MARCHF6: variants seen among roughly 807,000 people sequenced by gnomAD.
The protein encoded by MARCHF6 is E3 ubiquitin-protein ligase MARCHF6.
MARCHF6 carries 31 observed loss-of-function variants against 133.7 expected under a neutral mutation model. The ratio of observed to expected loss-of-function variants is 0.23; its 90% CI spans 0.17 to 0.31. The LOEUF (loss-of-function observed/expected upper bound fraction) is 0.31. Among genes scored for constraint, MARCHF6 ranks in the 10% least tolerant of loss-of-function variants. The probability of loss-of-function intolerance (pLI) is 1.00; values close to 1 mark genes in which losing one functional copy is unlikely to be tolerated. For synonymous variants in MARCHF6, 395 were observed against 402.5 expected (o/e 0.98, Z 0.22); for missense variants, 723 against 1,121.6 (o/e 0.64, Z 5.08).
chr5:10,415,246 A>C (rs779606642), intron 20 of MARCHF6, among the ~76,000 whole-genome samples: 2 of 152,222 alleles, frequency 1.3e-5, no homozygotes, highest in East Asian at 1.9e-4. Context: ...TGGCATGACA[A>C]ATCAGAGTGT....
chr5:10,410,926 G>C (rs1739192764), intron 18 of MARCHF6, among the ~76,000 whole-genome samples: 1 of 152,152 alleles, frequency 6.6e-6, no homozygotes, highest in East Asian at 1.9e-4. Flanking sequence ...GAGAAGATAA[G>C]AAGTTTTTCT....
At chr5:10,371,940 C>G (rs1172948158) in intron 1 of MARCHF6, among the ~76,000 whole-genome samples, 1 of 151,746 alleles carries the variant, frequency 6.6e-6, no homozygotes, top group Admixed American at 6.6e-5. Flanking sequence ...TGAGACTAGC[C>G]CGGGCAACAT....
intron 1 of MARCHF6, among the ~76,000 whole-genome samples, chr5:10,375,169 G>A (rs185590670): frequency 0.01 from 1,556 of 152,330 alleles, 11 homozygotes; most frequent in Middle Eastern, 0.061. Context: ...GGAGAGGCGC[G>A]AGCGGGAACT....
intron 22 of MARCHF6, among the ~76,000 whole-genome samples, chr5:10,417,690 C>T (rs1366688343): frequency 1.5e-5 from 2 of 130,336 alleles, no homozygotes; most frequent in Admixed American, 1.8e-4. Context: ...GCACTGTAGC[C>T]TGGGCAACAG....
At chr5:10,417,179 C>A in intron 21 of MARCHF6, 91 bp from the exon 22 acceptor site, 1 of 1,437,082 alleles carries the variant, frequency 7.0e-7, no homozygotes, top group Non-Finnish European at 9.4e-7. Context: ...TGTGGTTGCT[C>A]TGTTAGGCAT....
rs1740611896 is a variant in MARCHF6 at position 10,435,673 on chromosome 5, ATATATATATATATATATATATATATTTT to A, written c.*1991_*2018del. The A allele has an allele frequency of 8.3e-4, 5 of 6,024 alleles. No homozygotes were observed. Among genetic ancestry groups the A allele is most frequent in the African/African-American group, 1.2e-3 (1 of 830 alleles). The allele number at this position is 6,024 out of a possible 1,614,324, so 0.4% of individuals were successfully genotyped here. A position where few individuals can be genotyped will look rare whatever the true frequency, so the allele number is the denominator to read the frequency against. On this transcript the variant is annotated 3_prime_UTR_variant, in exon 26 of 26. Coordinates refer to ENST00000274140, the MANE Select transcript of MARCHF6 (RefSeq NM_005885.4). ...TATATATATATATATATATATATAT[ATATATATATATATATATATATATATTTT>A]TTTTTTTTTTTTTTTTTTTTTTTTT...
intron 5 of MARCHF6, among the ~76,000 whole-genome samples, chr5:10,388,892 A>T (rs1172196868): frequency 1.3e-5 from 2 of 152,228 alleles, no homozygotes; most frequent in Admixed American, 6.5e-5. Context: ...AACAGTTAGG[A>T]TTATTGCTGA....
At chr5:10,379,136 A>C (rs1398924521) in intron 3 of MARCHF6, among the ~76,000 whole-genome samples, 1 of 152,150 alleles carries the variant, frequency 6.6e-6, no homozygotes. Context: ...AAATCTAACA[A>C]GTCCACATGA....
rs866128956 is a variant in MARCHF6 at position 10,378,978 on chromosome 5, A to G, written c.190+146A>G. ...TATTTTCAGCTTGATTTTTTTTGAT[A>G]GTAATAGGAAGTATTGATATTTAGG... On this transcript the variant is annotated intron_variant, in intron 3 of 25. Coordinates refer to ENST00000274140, the MANE Select transcript of MARCHF6 (RefSeq NM_005885.4). 3.3e-5 allele frequency: 17 copies of G among 521,412 alleles called. 1 individual carries two copies. The Middle Eastern group carries it at 4.7e-3, about 143-fold the overall frequency. 32.3% of individuals were successfully genotyped at this position (521,412 alleles called of 1,614,324 possible). A position where few individuals can be genotyped will look rare whatever the true frequency, so the allele number is the denominator to read the frequency against.
intron 1 of MARCHF6, among the ~76,000 whole-genome samples, chr5:10,361,360 C>T (rs1735809836): frequency 6.6e-6 from 1 of 152,180 alleles, no homozygotes; most frequent in African/African-American, 2.4e-5. Context: ...GTTTTCTCAA[C>T]TCTGGAGGCT....
chr5:10,426,229 A>T (rs537280882), intron 23 of MARCHF6, among the ~76,000 whole-genome samples, 161 bp from the exon 24 acceptor site: 2 of 152,368 alleles, frequency 1.3e-5, no homozygotes, highest in Admixed American at 1.3e-4. Flanking sequence ...ACTCGTGGGC[A>T]CTATGCTTAT....
chr5:10,428,428 A>G (rs1295192), intron 24 of MARCHF6, among the ~76,000 whole-genome samples: 32,845 of 135,232 alleles, frequency 0.24, 5,325 homozygotes, highest in East Asian at 0.7. Context: ...TGCAACCTCC[A>G]CCTCCTGGGT....
At chr5:10,403,587 C>G in intron 15 of MARCHF6, 46 bp downstream of exon 15, 1 of 1,548,446 alleles carries the variant, frequency 6.5e-7, no homozygotes, top group South Asian at 1.2e-5. Context: ...ATAAAAAGGA[C>G]TTTTGCTTTC....
Position 10,415,581 on chromosome 5 carries a change from T to C in MARCHF6, c.2060T>C (p.Leu687Pro). ...TAACGLYVCW[L>P]TIRAVTVMVA... ...GCTTGTGGTCTCTATGTTTGCTGGC[T>C]AACCATAAGGGCTGTGACGGTGATG... Residue 687 changes from leucine (L) to proline (P), a missense_variant, in exon 21 of 26, where the codon CTA (leucine) becomes CCA (proline). Transcript: ENST00000274140. 6.2e-7 allele frequency: 1 copy of C among 1,614,202 alleles called. No individual in the cohort carries two copies. The highest frequency in any genetic ancestry group is 8.5e-7 in the Non-Finnish European group (1 of 1,180,030).
intron 5 of MARCHF6, 126 bp downstream of exon 5, chr5:10,387,192 C>T (rs557026025): frequency 1.7e-6 from 1 of 599,822 alleles, no homozygotes; most frequent in African/African-American, 1.9e-5. Context: ...ATGTCTATTA[C>T]ACTAACAGTT....
chr5:10,391,436 G>GTTTTTTTTT lies in MARCHF6; in HGVS notation c.577-86_577-78dup. 9.8e-6 allele frequency: 3 copies of GTTTTTTTTT among 305,592 alleles called. 1 individual carries two copies. Among genetic ancestry groups the GTTTTTTTTT allele is most frequent in the Admixed American group, 1.8e-4 (2 of 11,414 alleles). The allele number at this position is 305,592 out of a possible 1,614,324, so 18.9% of individuals were successfully genotyped here. A position where few individuals can be genotyped will look rare whatever the true frequency, so the allele number is the denominator to read the frequency against. On this transcript the variant is annotated intron_variant, in intron 6 of 25. Transcript: ENST00000274140. ...GCATGAGCCACTACACCTGGCCTAG[G>GTTTTTTTTT]TTTTTTTTTTTTTTTTTTTTTTTTT...
chr5:10,367,170 C>G (rs556285027), intron 1 of MARCHF6, among the ~76,000 whole-genome samples: 1 of 152,164 alleles, frequency 6.6e-6, no homozygotes, highest in Non-Finnish European at 1.5e-5. Flanking sequence ...ATCTGAGAGA[C>G]TGCCCGAGCC....
chr5:10,433,704 T>G lies in MARCHF6; in HGVS notation c.*20T>G. 6.3e-7 allele frequency: 1 copy of G among 1,594,700 alleles called. No individual in the cohort carries two copies. The highest frequency in any genetic ancestry group is 8.6e-7 in the Non-Finnish European group (1 of 1,162,230). ...GAATAAAGTAGTTGTCTCAACAACT[T>G]GACCTTCCCCTTTACATGTCCTTTT... is the stretch of plus-strand genomic sequence containing the variant. On this transcript the variant is annotated 3_prime_UTR_variant, in exon 26 of 26. Coordinates refer to ENST00000274140, the MANE Select transcript of MARCHF6 (RefSeq NM_005885.4).
intron 7 of MARCHF6, among the ~76,000 whole-genome samples, chr5:10,391,960 C>CTTT (rs533523322): frequency 7.1e-6 from 1 of 140,346 alleles, no homozygotes; most frequent in Non-Finnish European, 1.6e-5. Flanking sequence ...TTACACAGGC[C>CTTT]TTTTTTTTTT....
Sources: allele counts gnomAD v4.1 joint callset (sites outside exome capture counted in the v4.1 genomes callset), GRCh38; gene constraint gnomAD v4.1.1; transcripts MANE v1.5; gene names NCBI Gene and HGNC (gene_info 2026-07-23, HGNC 2026-07-21).